The following PDS5B variants were observed in gnomAD, a reference collection of about 807,000 sequenced individuals.
PDS5B encodes sister chromatid cohesion protein PDS5 homolog B.
A neutral mutation model predicts 184.1 loss-of-function variants in PDS5B; 51 were observed. That is an observed-to-expected ratio of 0.28 (90% CI 0.22 to 0.35). The LOEUF (loss-of-function observed/expected upper bound fraction) is 0.35. Among genes scored for constraint, PDS5B ranks in the 10% least tolerant of loss-of-function variants. The pLI, the probability that PDS5B is intolerant of heterozygous loss-of-function variation, is 1.00. For synonymous variants in PDS5B, 566 were observed against 569.2 expected (o/e 0.99, Z 0.08); for missense variants, 1,180 against 1,723.3 (o/e 0.68, Z 5.58).
intron 1 of PDS5B, among the ~76,000 whole-genome samples, chr13:32,620,499 A>T (rs185552756): frequency 8.5e-5 from 13 of 152,238 alleles, no homozygotes; most frequent in Admixed American, 2.0e-4. Flanking sequence ...CTAAAAATAC[A>T]AAAGATTAGC....
intron 19 of PDS5B, among the ~76,000 whole-genome samples, chr13:32,723,481 G>C (rs917423551): frequency 6.6e-6 from 1 of 152,166 alleles, no homozygotes; most frequent in Non-Finnish European, 1.5e-5. Context: ...TTTTTAATAG[G>C]AAAAGCAGTC....
At chr13:32,726,549 A>T (rs1267713505) in intron 19 of PDS5B, among the ~76,000 whole-genome samples, 1 of 152,220 alleles carries the variant, frequency 6.6e-6, no homozygotes, top group Non-Finnish European at 1.5e-5. Flanking sequence ...CACTAGCAGT[A>T]TGTAAGAGTG....
rs569671750 is a variant in PDS5B at position 32,741,296 on chromosome 13, A to T, written c.2475+148A>T. 1.4e-5 allele frequency: 7 copies of T among 506,048 alleles called. No individual in the cohort carries two copies. The East Asian group carries it at 2.0e-4, about 14-fold the overall frequency. 31.3% of individuals were successfully genotyped at this position (506,048 alleles called of 1,614,324 possible). On this transcript the variant is annotated intron_variant, in intron 22 of 34. Coordinates refer to ENST00000315596, the MANE Select transcript of PDS5B (RefSeq NM_015032.4). ...ATGATGTCTTATGTGCTGTGAGACT[A>T]TAGGGTAATAATGAGAAAGCTGGGA... is the stretch of plus-strand genomic sequence containing the variant.
chr13:32,771,629 C>G (rs1954789350), intron 33 of PDS5B, among the ~76,000 whole-genome samples: 1 of 151,926 alleles, frequency 6.6e-6, no homozygotes, highest in African/African-American at 2.4e-5. Context: ...GAAAAGTTGC[C>G]TGGGTGTCTA....
intron 13 of PDS5B, among the ~76,000 whole-genome samples, chr13:32,692,670 C>A (rs1234222966): frequency 6.6e-6 from 1 of 151,826 alleles, no homozygotes; most frequent in Non-Finnish European, 1.5e-5. Context: ...GGAGTTCTTA[C>A]ATTTGCTTAG....
At chr13:32,643,537 C>T (rs926549725) in intron 1 of PDS5B, among the ~76,000 whole-genome samples, 1 of 151,912 alleles carries the variant, frequency 6.6e-6, no homozygotes. Flanking sequence ...AGTTGCGTAC[C>T]ACACAACTTT....
chr13:32,741,068 G>GT lies in PDS5B; in HGVS notation c.2407-9dup, dbSNP rs1566397570. ...AGTCCCTGGTTTTTTTTTTTTTCTC[G>GT]TTTATTTTTAGCTTCCAGGGAAAAA... On this transcript the variant is annotated splice_polypyrimidine_tract_variant and intron_variant, in intron 21 of 34. Transcript: ENST00000315596. 6 of 1,300,458 alleles carry GT rather than the reference G, an allele frequency of 4.6e-6. No homozygotes were observed. Among genetic ancestry groups the GT allele is most frequent in the East Asian group, 2.5e-5 (1 of 40,360 alleles). 80.6% of individuals were successfully genotyped at this position (1,300,458 alleles called of 1,614,324 possible). A position where few individuals can be genotyped will look rare whatever the true frequency, so the allele number is the denominator to read the frequency against.
chr13:32,710,386 T>G (rs1395154977), intron 19 of PDS5B, among the ~76,000 whole-genome samples: 1 of 152,144 alleles, frequency 6.6e-6, no homozygotes, highest in Admixed American at 6.5e-5. Context: ...CATATGAATT[T>G]AAGGTATGAT....
intron 1 of PDS5B, among the ~76,000 whole-genome samples, chr13:32,598,841 G>A (rs940119355): frequency 6.8e-6 from 1 of 147,318 alleles, no homozygotes; most frequent in Non-Finnish European, 1.5e-5. Flanking sequence ...CACTATCTCG[G>A]CTTACTGCAG....
intron 1 of PDS5B, among the ~76,000 whole-genome samples, chr13:32,623,984 G>C (rs1383878699): frequency 6.7e-6 from 1 of 149,772 alleles, no homozygotes; most frequent in East Asian, 2.0e-4. Context: ...GCTAATTTTT[G>C]TATTTTTAGT....
intron 19 of PDS5B, among the ~76,000 whole-genome samples, chr13:32,723,453 T>C (rs1952788193): frequency 6.6e-6 from 1 of 152,190 alleles, no homozygotes; most frequent in Non-Finnish European, 1.5e-5. Flanking sequence ...GTCAATTTAA[T>C]GAGGGAATAA....
chr13:32,641,612 TA>T (rs948189617), intron 1 of PDS5B, among the ~76,000 whole-genome samples: 10 of 152,176 alleles, frequency 6.6e-5, no homozygotes, highest in African/African-American at 2.4e-4. Context: ...CTCATTTTTC[TA>T]AAGCCATTTT....
intron 31 of PDS5B, among the ~76,000 whole-genome samples, chr13:32,768,977 A>G (rs1382714216): frequency 6.9e-6 from 1 of 145,674 alleles, no homozygotes; most frequent in East Asian, 2.0e-4. Flanking sequence ...AAAATTAGCC[A>G]GGCGTGGTTG....
chr13:32,687,079 T>A, intron 11 of PDS5B, 55 bp from the exon 12 acceptor site: 1 of 1,389,178 alleles, frequency 7.2e-7, no homozygotes, highest in Non-Finnish European at 9.8e-7. Flanking sequence ...AGACTTTCCT[T>A]AATTTATATA....
intron 20 of PDS5B, 81 bp downstream of exon 20, chr13:32,732,305 A>G: frequency 4.4e-6 from 4 of 912,872 alleles, no homozygotes; most frequent in South Asian, 1.5e-5. Context: ...GAATGTTCAC[A>G]TTTGGTGATG....
At chr13:32,698,941 G>A (rs146984413) in intron 15 of PDS5B, among the ~76,000 whole-genome samples, 54 of 152,196 alleles carry the variant, frequency 3.5e-4, no homozygotes, top group African/African-American at 1.1e-3. Context: ...TTTTAGTAGA[G>A]ACAGGGTTTC....
chr13:32,767,600 T>C (rs1439978611), intron 31 of PDS5B, among the ~76,000 whole-genome samples: 2 of 152,134 alleles, frequency 1.3e-5, no homozygotes, highest in African/African-American at 2.4e-5. Context: ...GATTGACTGA[T>C]TGACAGATTC....
chr13:32,750,861 G>GTGTGTGTA (rs1464375112), intron 24 of PDS5B, among the ~76,000 whole-genome samples: 1 of 149,548 alleles, frequency 6.7e-6, no homozygotes, highest in Admixed American at 6.6e-5. Context: ...GTGTGTGTGT[G>GTGTGTGTA]TGTGTGTGTG....
chr13:32,720,691 AGG>A (rs1027350069), intron 19 of PDS5B, among the ~76,000 whole-genome samples: 1 of 147,954 alleles, frequency 6.8e-6, no homozygotes, highest in Non-Finnish European at 1.5e-5. Flanking sequence ...TTTCTTGGAG[AGG>A]GGGATTTGGC....
Sources: gnomAD v4.1 joint callset for allele counts (sites outside exome capture counted in the v4.1 genomes callset) on GRCh38, gnomAD v4.1.1 for gene constraint, MANE v1.5 for transcripts, NCBI Gene and HGNC (gene_info 2026-07-23, HGNC 2026-07-21) for gene names.